The following COX10 variants were observed in gnomAD, a reference collection of about 807,000 sequenced individuals.
COX10 encodes the protein protoheme IX farnesyltransferase, mitochondrial.
COX10 carries 27 observed loss-of-function variants against 37.3 expected under a neutral mutation model. That is an observed-to-expected ratio of 0.72 (90% CI 0.53 to 1.00). The LOEUF (loss-of-function observed/expected upper bound fraction) is 1.00, where lower values mean the gene tolerates loss of function less well. Ranked by LOEUF, COX10 falls within the 50% of genes least tolerant of loss-of-function variation. The pLI, the probability that COX10 is intolerant of heterozygous loss-of-function variation, is 0.00. For synonymous variants in COX10, 222 were observed against 229.1 expected, an observed-to-expected ratio of 0.97 and a Z score of 0.28; for missense variants, 475 against 563.2, an observed-to-expected ratio of 0.84 and a Z score of 1.59.
intron 6 of COX10, among the ~76,000 whole-genome samples, chr17:14,195,553 G>A (rs186601574): frequency 4.6e-5 from 7 of 152,318 alleles, no homozygotes; most frequent in African/African-American, 9.6e-5. Flanking sequence ...CACTTAGACC[G>A]TACTGCCTGG....
intron 5 of COX10, among the ~76,000 whole-genome samples, chr17:14,163,779 T>A (rs544481274): frequency 2.6e-5 from 4 of 152,374 alleles, no homozygotes; most frequent in Non-Finnish European, 5.9e-5. Flanking sequence ...CAGTTGCTCA[T>A]AATCTATCCC....
chr17:14,114,680 C>T (rs746055544), intron 4 of COX10, among the ~76,000 whole-genome samples: 5 of 152,010 alleles, frequency 3.3e-5, no homozygotes, highest in Non-Finnish European at 7.4e-5. Flanking sequence ...TGGTGAAAGA[C>T]CTATAGTCAT....
At chr17:14,078,642 GC>G (rs1915210716) in intron 3 of COX10, among the ~76,000 whole-genome samples, 1 of 152,148 alleles carries the variant, frequency 6.6e-6, no homozygotes, top group Non-Finnish European at 1.5e-5. Context: ...TTTTGCAGCA[GC>G]TTCTAACTGT....
chr17:14,105,472 A>G (rs747068978), intron 4 of COX10, among the ~76,000 whole-genome samples: 57 of 152,334 alleles, frequency 3.7e-4, no homozygotes, highest in Middle Eastern at 6.8e-3. Flanking sequence ...TTAATTTTCT[A>G]CATTTATACA....
chr17:14,157,503 C>T (rs1297333380), intron 4 of COX10, among the ~76,000 whole-genome samples: 3 of 152,144 alleles, frequency 2.0e-5, no homozygotes, highest in Non-Finnish European at 4.4e-5. Context: ...GGATGTTTGT[C>T]GTATAGAATG....
chr17:14,101,596 A>G (rs1477978554), intron 3 of COX10, among the ~76,000 whole-genome samples: 2 of 152,098 alleles, frequency 1.3e-5, no homozygotes, highest in Non-Finnish European at 2.9e-5. Flanking sequence ...TAGGATTATC[A>G]TCTCCCACTA....
intron 4 of COX10, among the ~76,000 whole-genome samples, chr17:14,107,288 C>G (rs1255825362): frequency 2.0e-5 from 3 of 152,012 alleles, no homozygotes; most frequent in Non-Finnish European, 4.4e-5. Flanking sequence ...CAAACGCTGG[C>G]CCACATTTCT....
intron 4 of COX10, among the ~76,000 whole-genome samples, chr17:14,112,618 T>C (rs1213088673): frequency 1.3e-5 from 2 of 152,128 alleles, no homozygotes; most frequent in African/African-American, 4.8e-5. Context: ...AGGCAGTGCC[T>C]TAGGCAAGTA....
intron 4 of COX10, among the ~76,000 whole-genome samples, chr17:14,152,145 A>C (rs1229611477): frequency 6.6e-6 from 1 of 152,174 alleles, no homozygotes. Flanking sequence ...GAATGTCAGA[A>C]CCACTATGCA....
At chr17:14,098,094 C>G (rs1915689531) in intron 3 of COX10, among the ~76,000 whole-genome samples, 1 of 152,154 alleles carries the variant, frequency 6.6e-6, no homozygotes, top group Non-Finnish European at 1.5e-5. Flanking sequence ...ATTTTTGTGA[C>G]TCTAGATTTT....
intron 6 of COX10, among the ~76,000 whole-genome samples, chr17:14,198,514 C>T (rs968723487): frequency 1.6e-4 from 25 of 152,258 alleles, no homozygotes; most frequent in African/African-American, 5.3e-4. Flanking sequence ...TTGCAGTTGC[C>T]TTTGGCTTGT....
At chr17:14,139,327 T>G (rs142738967) in intron 4 of COX10, among the ~76,000 whole-genome samples, 1 of 152,160 alleles carries the variant, frequency 6.6e-6, no homozygotes, top group East Asian at 1.9e-4. Flanking sequence ...CATGAGAGGC[T>G]AACACATTAA....
At chr17:14,182,045 G>T (rs1194520242) in intron 5 of COX10, 4 of 980,162 alleles carry the variant, frequency 4.1e-6, no homozygotes, top group Non-Finnish European at 4.8e-6. Flanking sequence ...CATCCTTCTA[G>T]ATTAACAGGA....
chr17:14,159,306 C>T (rs1905122271), intron 4 of COX10, among the ~76,000 whole-genome samples: 1 of 152,180 alleles, frequency 6.6e-6, no homozygotes, highest in Non-Finnish European at 1.5e-5. Flanking sequence ...TCAGTTGATT[C>T]TTGGTTGATT....
intron 3 of COX10, among the ~76,000 whole-genome samples, chr17:14,096,185 A>C (rs1915647596): frequency 6.6e-6 from 1 of 151,944 alleles, no homozygotes; most frequent in South Asian, 2.1e-4. Context: ...CCATTAATAC[A>C]TTAATCCATT....
At chr17:14,133,990 C>T (rs767353324) in intron 4 of COX10, among the ~76,000 whole-genome samples, 4 of 151,494 alleles carry the variant, frequency 2.6e-5, no homozygotes, top group Admixed American at 6.6e-5. Flanking sequence ...CCCTGGTATT[C>T]GTAATGGTTA....
At chr17:14,117,103 G>T (rs1916131635) in intron 4 of COX10, among the ~76,000 whole-genome samples, 1 of 152,066 alleles carries the variant, frequency 6.6e-6, no homozygotes, top group Non-Finnish European at 1.5e-5. Context: ...TGTCAGTATT[G>T]TTCTGTCATA....
intron 5 of COX10, among the ~76,000 whole-genome samples, chr17:14,170,766 A>G (rs1468791938): frequency 2.0e-5 from 3 of 152,182 alleles, no homozygotes; most frequent in Non-Finnish European, 4.4e-5. Context: ...ACAGTGAGCT[A>G]TGATTGCACC....
intron 6 of COX10, among the ~76,000 whole-genome samples, chr17:14,196,083 G>A (rs1345597197): frequency 6.6e-5 from 10 of 151,912 alleles, no homozygotes; most frequent in African/African-American, 2.4e-4. Flanking sequence ...GTCTTCTGTG[G>A]TATTGCCAAG....
Sources: allele counts gnomAD v4.1 joint callset (sites outside exome capture counted in the v4.1 genomes callset), GRCh38; gene constraint gnomAD v4.1.1; transcripts MANE v1.5; gene names NCBI Gene and HGNC (gene_info 2026-07-23, HGNC 2026-07-21).